The following CELA3B variants were observed in gnomAD, a reference collection of about 807,000 sequenced individuals.
The protein encoded by CELA3B is chymotrypsin like elastase 3B, also known as chymotrypsin-like elastase family member 3B.
CELA3B carries 34 observed loss-of-function variants against 37.2 expected under a neutral mutation model. That is an observed-to-expected ratio of 0.91 (90% CI 0.70 to 1.22). The LOEUF is 1.22. CELA3B is among the 50% of genes most tolerant of loss of function. The pLI is 0.00. For synonymous variants in CELA3B, 127 were observed against 143.5 expected (o/e 0.89, Z 0.82); for missense variants, 340 against 363.1 (o/e 0.94, Z 0.52).
At chr1:21,996,494 T>G (rs1463870309) in intron 4 of CELA3B, among the ~76,000 whole-genome samples, 1 of 151,128 alleles carries the variant, frequency 6.6e-6, no homozygotes, top group African/African-American at 2.5e-5. Context: ...AGGGGAGGCA[T>G]GAATAATCCA....
At position 21,977,449 on chromosome 1, in the gene CELA3B, G is replaced by A. The variant is rs1644779129; in HGVS notation, c.43+367G>A. ...CCCCCTACCTGGCTCCATATTCTAT[G>A]CTCTGGCCTTTTCCTGGTCTCTCTG... On this transcript the variant is annotated intron_variant, in intron 1 of 7. Transcript: ENST00000337107. Among the ~76,000 whole-genome samples, 4 of 152,092 alleles carry A rather than the reference G, an allele frequency of 2.6e-5. No homozygotes were observed. The South Asian group carries it at 8.3e-4, about 32-fold the overall frequency.
chr1:21,977,894 A>G (rs377447602), intron 1 of CELA3B: 12 of 351,752 alleles, frequency 3.4e-5, no homozygotes, highest in East Asian at 3.3e-4. Flanking sequence ...ATTTTTCTAG[A>G]GATGAGGTCT....
rs1644801767 is a variant in CELA3B, at chr1:21,981,104, G to A, written c.294G>A (p.Gln98=). The change falls in exon 4 of 8, where the codon CAG becomes CAA. Residue 98 remains glutamine, a synonymous_variant. Coordinates refer to ENST00000337107, the MANE Select transcript of CELA3B (RefSeq NM_007352.4). The part of the protein sequence containing the change: ...YDRAVKEGPE[Q]VIPINSGDLF... ...GTGCTGTGAAGGAGGGCCCCGAGCAGGTGATCCCCATCAACTCTGGGGACC... is the reference window on the plus strand; with the variant it reads ...GTGCTGTGAAGGAGGGCCCCGAGCAAGTGATCCCCATCAACTCTGGGGACC... The A allele has an allele frequency of 6.2e-7, 1 of 1,613,564 alleles. No homozygotes were observed. Among genetic ancestry groups the A allele is most frequent in the South Asian group, 1.1e-5 (1 of 91,050 alleles).
chr1:21,983,360 A>T (rs1162149268), intron 4 of CELA3B, among the ~76,000 whole-genome samples: 2 of 150,780 alleles, frequency 1.3e-5, no homozygotes, highest in African/African-American at 4.9e-5. Context: ...GACTCAAAAA[A>T]AAAAATAAAA....
At chr1:21,992,665 G>T (rs1167142674), downstream of CELA3B, among the ~76,000 whole-genome samples, 1 of 151,558 alleles carries the variant, frequency 6.6e-6, no homozygotes, top group African/African-American at 2.4e-5. Flanking sequence ...TGCTTGTTGA[G>T]CTGCTAGAGA....
intron 1 of CELA3B, 65 bp downstream of exon 1, chr1:21,977,147 C>T (rs925417003): frequency 9.3e-6 from 15 of 1,606,700 alleles, no homozygotes; most frequent in South Asian, 2.2e-5. Flanking sequence ...TGAAATCTAC[C>T]ACTTGCTCTA....
chr1:21,995,993 C>A (rs1258400008), intron 4 of CELA3B, among the ~76,000 whole-genome samples: 3 of 149,954 alleles, frequency 2.0e-5, no homozygotes, highest in African/African-American at 5.0e-5. Flanking sequence ...GCGGGCAGAT[C>A]ACCTGAGGTC....
At chr1:21,995,067 T>A (rs1231584777) in intron 4 of CELA3B, among the ~76,000 whole-genome samples, 2 of 148,990 alleles carry the variant, frequency 1.3e-5, no homozygotes, top group African/African-American at 5.0e-5. Flanking sequence ...GTTGTTTGCA[T>A]CTGAAAATAT....
chr1:21,980,720 A>G, intron 2 of CELA3B, 104 bp from the exon 3 acceptor site: 1 of 817,308 alleles, frequency 1.2e-6, no homozygotes, highest in East Asian at 2.5e-5. Flanking sequence ...TTCCGTGTGA[A>G]TGGCGCCCTC....
chr1:21,981,819 G>T (rs1481439348), intron 4 of CELA3B, among the ~76,000 whole-genome samples: 2 of 151,562 alleles, frequency 1.3e-5, no homozygotes, highest in African/African-American at 4.9e-5. Flanking sequence ...TCTGCCTCCC[G>T]GGTTCACACC....
chr1:21,986,211 A>G (rs904361906), intron 6 of CELA3B, among the ~76,000 whole-genome samples: 3 of 151,384 alleles, frequency 2.0e-5, no homozygotes, highest in African/African-American at 7.3e-5. Flanking sequence ...TCTATTAAAT[A>G]TACAAAAATT....
rs1418301287 is a variant in CELA3B, at chr1:21,986,226, G to A, written c.643-305G>A. ...TCTATTAAATATACAAAAATTAGCTGGGTGTGGTGGCAGGTACCTGTAATC... is the reference window on the plus strand; with the variant it reads ...TCTATTAAATATACAAAAATTAGCTAGGTGTGGTGGCAGGTACCTGTAATC... On this transcript the variant is annotated intron_variant, in intron 6 of 7. Transcript: ENST00000337107. 8.6e-5 allele frequency among the ~76,000 whole-genome samples: 13 copies of A among 151,590 alleles called. No homozygotes were observed. The East Asian group carries it at 1.2e-3, about 14-fold the overall frequency.
intron 4 of CELA3B, among the ~76,000 whole-genome samples, chr1:21,996,127 T>G (rs189578813): frequency 2.6e-5 from 4 of 151,004 alleles, no homozygotes; most frequent in Non-Finnish European, 5.9e-5. Context: ...GCATGAGAAT[T>G]GCTTGAACCT....
intron 7 of CELA3B, among the ~76,000 whole-genome samples, chr1:21,988,938 T>G (rs1232525839): frequency 6.6e-6 from 1 of 151,646 alleles, no homozygotes; most frequent in Non-Finnish European, 1.5e-5. Context: ...TATACATACA[T>G]ACATACATAC....
intron 4 of CELA3B, among the ~76,000 whole-genome samples, chr1:21,997,945 G>A (rs1276260337): frequency 1.3e-5 from 2 of 151,340 alleles, no homozygotes; most frequent in Non-Finnish European, 2.9e-5. Context: ...AAGATTGACT[G>A]TTGAGAGGGA....
chr1:21,982,308 G>C (rs1337926204), intron 4 of CELA3B, among the ~76,000 whole-genome samples: 1 of 152,038 alleles, frequency 6.6e-6, no homozygotes. Context: ...CTGGGAACCT[G>C]CAGCAATGTG....
Position 21,980,929 on chromosome 1 carries a change from C to A in CELA3B, c.227+8C>A, listed in dbSNP as rs769688629. ...TGCCGGCCACTGCATCTCGTGAGTT[C>A]TCTACCCTGTCCCTGCCTGTGGCCC... On this transcript the variant is annotated splice_region_variant and intron_variant, in intron 3 of 7. Transcript: ENST00000337107. The A allele has an allele frequency of 8.1e-6, 13 of 1,613,830 alleles. No individual in the cohort carries two copies. The highest frequency in any genetic ancestry group is 1.0e-5 in the Non-Finnish European group (12 of 1,179,986).
At chr1:21,988,886 T>A (rs2152817323) in intron 7 of CELA3B, among the ~76,000 whole-genome samples, 1 of 146,256 alleles carries the variant, frequency 6.8e-6, no homozygotes, top group Admixed American at 7.1e-5. Context: ...TGAGACTCTG[T>A]CTCAAAAAGA....
At chr1:21,986,495 A>G (rs1644839395) in intron 6 of CELA3B, 36 bp from the exon 7 acceptor site, 5 of 1,608,968 alleles carry the variant, frequency 3.1e-6, no homozygotes, top group South Asian at 2.2e-5. Context: ...AACCTCAGAC[A>G]TGGCTCAGCC....
Sources: allele counts gnomAD v4.1 joint callset (sites outside exome capture counted in the v4.1 genomes callset), GRCh38; gene constraint gnomAD v4.1.1; transcripts MANE v1.5; gene names NCBI Gene and HGNC (gene_info 2026-07-23, HGNC 2026-07-21).